The following ZNRF1 variants were observed in gnomAD, a reference collection of about 807,000 sequenced individuals.
ZNRF1 encodes the protein E3 ubiquitin-protein ligase ZNRF1.
A neutral mutation model predicts 18.4 loss-of-function variants in ZNRF1; 3 were observed. The ratio of observed to expected loss-of-function variants is 0.16; its 90% CI spans 0.07 to 0.42. ZNRF1 has a LOEUF of 0.42. ZNRF1 is among the 10% of genes least tolerant of loss of function. The pLI, the probability that ZNRF1 is intolerant of heterozygous loss-of-function variation, is 0.99. For missense variants in ZNRF1, 310 were observed against 329.8 expected (o/e 0.94, Z 0.47); for synonymous variants, 157 against 144.2 (o/e 1.09, Z -0.64).
intron 1 of ZNRF1, among the ~76,000 whole-genome samples, chr16:75,045,361 A>G (rs1318670370): frequency 6.6e-6 from 1 of 152,096 alleles, no homozygotes; most frequent in Non-Finnish European, 1.5e-5. Flanking sequence ...TATTAGGAAA[A>G]GGCTGGGAAG....
chr16:75,036,360 A>G (rs931789858), intron 1 of ZNRF1, among the ~76,000 whole-genome samples: 1 of 152,026 alleles, frequency 6.6e-6, no homozygotes, highest in Admixed American at 6.6e-5. Flanking sequence ...TGAACTCCTG[A>G]ACCTCAAGTG....
chr16:75,105,185 C>G, intron 3 of ZNRF1: 2 of 330,112 alleles, frequency 6.1e-6, no homozygotes, highest in South Asian at 3.0e-5. Flanking sequence ...GCTTCGGATC[C>G]CACTGGGAAG....
At chr16:75,050,068 T>C (rs2035572928) in intron 1 of ZNRF1, among the ~76,000 whole-genome samples, 2 of 152,208 alleles carry the variant, frequency 1.3e-5, no homozygotes, top group African/African-American at 4.8e-5. Flanking sequence ...AGTAATGCTA[T>C]ATAAATGGAA....
chr16:75,083,927 C>T (rs926672214), intron 1 of ZNRF1, among the ~76,000 whole-genome samples: 3 of 152,228 alleles, frequency 2.0e-5, no homozygotes, highest in Non-Finnish European at 4.4e-5. Flanking sequence ...CTAGCTTATA[C>T]TGTCATAATA....
At position 75,100,060 on chromosome 16, in the gene ZNRF1, T is replaced by G. The variant is rs528274075; in HGVS notation, c.521-4724T>G. 8.3e-4 allele frequency among the ~76,000 whole-genome samples: 126 copies of G among 152,280 alleles called. 1 individual carries two copies. The highest frequency in any genetic ancestry group is 1.4e-3 in the Non-Finnish European group (98 of 68,024). On this transcript the variant is annotated intron_variant, in intron 2 of 4. Coordinates refer to ENST00000335325, the MANE Select transcript of ZNRF1 (RefSeq NM_032268.5). ...GGGCTCTGTGTGGGCACTGCTGGCT[T>G]CCCCATGCTGTCTGAGTCAAAGACC... is the stretch of plus-strand genomic sequence containing the variant.
chr16:75,012,684 G>A (rs549919268), intron 1 of ZNRF1, among the ~76,000 whole-genome samples: 59 of 152,282 alleles, frequency 3.9e-4, no homozygotes, highest in Middle Eastern at 3.4e-3. Flanking sequence ...AAACTTTTCT[G>A]CCAACCTAGC....
chr16:75,094,088 G>A (rs902352711), intron 2 of ZNRF1, among the ~76,000 whole-genome samples: 1 of 152,214 alleles, frequency 6.6e-6, no homozygotes, highest in Non-Finnish European at 1.5e-5. Context: ...GGTGGGGGCT[G>A]TGTGCTGGTG....
At chr16:75,063,837 A>AG (rs2035770404) in intron 1 of ZNRF1, among the ~76,000 whole-genome samples, 1 of 152,088 alleles carries the variant, frequency 6.6e-6, no homozygotes, top group African/African-American at 2.4e-5. Context: ...AGCAATGAGG[A>AG]GGGGAAAAGT....
chr16:75,107,944 G>A lies in ZNRF1; in HGVS notation c.*244G>A. Reference sequence around the variant, plus strand: ...TCCCCTCACCCCTCAGCCCAGGAGGGAAAGGGCATTTTCTTTTTCATCTTT... The same window carrying A: ...TCCCCTCACCCCTCAGCCCAGGAGGAAAAGGGCATTTTCTTTTTCATCTTT... On this transcript the variant is annotated 3_prime_UTR_variant, in exon 5 of 5. Transcript: ENST00000335325. 2 of 360,390 alleles carry A rather than the reference G, an allele frequency of 5.5e-6. No homozygotes were observed. The highest frequency in any genetic ancestry group is 2.0e-5 in the South Asian group (1 of 50,008). The allele number at this position is 360,390 out of a possible 1,614,324, so 22.3% of individuals were successfully genotyped here.
intron 1 of ZNRF1, among the ~76,000 whole-genome samples, chr16:75,031,218 G>T (rs561681104): frequency 6.7e-6 from 1 of 150,300 alleles, no homozygotes; most frequent in Non-Finnish European, 1.5e-5. Flanking sequence ...CGCAATCTCC[G>T]CCTCCTGGGT....
intron 2 of ZNRF1, chr16:75,095,730 G>T: frequency 1.3e-6 from 2 of 1,537,218 alleles, no homozygotes; most frequent in Non-Finnish European, 1.8e-6. Flanking sequence ...TACCCCCACT[G>T]CCCTGTGGAG....
chr16:75,050,901 A>C (rs1173914006), intron 1 of ZNRF1, among the ~76,000 whole-genome samples: 16 of 133,688 alleles, frequency 1.2e-4, no homozygotes, highest in Admixed American at 2.3e-4. Context: ...AAAAAAAACA[A>C]AAAACTTGTA....
chr16:75,102,065 G>A (rs577806759), intron 2 of ZNRF1, among the ~76,000 whole-genome samples: 1 of 152,238 alleles, frequency 6.6e-6, no homozygotes, highest in East Asian at 1.9e-4. Flanking sequence ...GACTTCTCTC[G>A]CAACTCATGT....
At chr16:75,075,676 TAAAC>T (rs1458819786) in intron 1 of ZNRF1, among the ~76,000 whole-genome samples, 1 of 152,142 alleles carries the variant, frequency 6.6e-6, no homozygotes, top group Admixed American at 6.6e-5. Flanking sequence ...AGCAGTAAAA[TAAAC>T]AGACTCTGCC....
intron 1 of ZNRF1, among the ~76,000 whole-genome samples, chr16:75,065,225 T>C (rs2035788026): frequency 6.6e-6 from 1 of 152,182 alleles, no homozygotes; most frequent in Non-Finnish European, 1.5e-5. Context: ...GCTGTTCACT[T>C]CTTACTCTAG....
chr16:75,102,469 C>T (rs530350645), intron 2 of ZNRF1, among the ~76,000 whole-genome samples: 13 of 152,272 alleles, frequency 8.5e-5, no homozygotes, highest in South Asian at 2.1e-4. Flanking sequence ...CCTTTAGTGA[C>T]GGAGAAGGGA....
At chr16:75,103,666 T>TA (rs780381592) in intron 2 of ZNRF1, among the ~76,000 whole-genome samples, 2 of 152,178 alleles carry the variant, frequency 1.3e-5, no homozygotes, top group Non-Finnish European at 2.9e-5. Context: ...ATGTTAGTCT[T>TA]ACCACAATAA....
intron 1 of ZNRF1, among the ~76,000 whole-genome samples, chr16:75,007,820 G>A (rs1297831191): frequency 6.6e-6 from 1 of 152,092 alleles, no homozygotes; most frequent in Non-Finnish European, 1.5e-5. Flanking sequence ...AATAAACTTT[G>A]AATCCTTTTT....
chr16:75,031,668 G>T (rs1447509742), intron 1 of ZNRF1, among the ~76,000 whole-genome samples: 1 of 151,946 alleles, frequency 6.6e-6, no homozygotes, highest in South Asian at 2.1e-4. Context: ...CACCATGCCT[G>T]GCTAATTTTT....
Sources: gnomAD v4.1 joint callset for allele counts (sites outside exome capture counted in the v4.1 genomes callset) on GRCh38, gnomAD v4.1.1 for gene constraint, MANE v1.5 for transcripts, NCBI Gene and HGNC (gene_info 2026-07-23, HGNC 2026-07-21) for gene names.